GLIS2: variants seen among roughly 807,000 people sequenced by gnomAD.
The protein encoded by GLIS2 is zinc finger protein GLIS2.
In GLIS2, 14 loss-of-function variants were observed where a neutral mutation model predicts 35.6. That is an observed-to-expected ratio of 0.39 (90% CI 0.26 to 0.61). The LOEUF (loss-of-function observed/expected upper bound fraction) is 0.61. Among genes scored for constraint, GLIS2 ranks in the 20% least tolerant of loss-of-function variants. GLIS2 has a pLI of 0.48. For missense variants in GLIS2, 675 were observed against 713.4 expected (o/e 0.95, Z 0.61); for synonymous variants, 368 against 325.1 (o/e 1.13, Z -1.42).
At chr16:4,333,174 T>C (rs1170618560) in intron 2 of GLIS2, among the ~76,000 whole-genome samples, 173 bp from the exon 3 acceptor site, 3 of 151,906 alleles carry the variant, frequency 2.0e-5, no homozygotes, top group Non-Finnish European at 4.4e-5. Flanking sequence ...AGCTCAGAGG[T>C]GGTGGGTGGT....
At position 4,337,989 on chromosome 16, in the gene GLIS2, A is replaced by T. The variant is rs1032562118; in HGVS notation, c.*465A>T. 7.8e-6 allele frequency: 2 copies of T among 256,700 alleles called. No individual in the cohort carries two copies. The highest frequency in any genetic ancestry group is 1.5e-5 in the Non-Finnish European group (2 of 130,508). 15.9% of individuals were successfully genotyped at this position (256,700 alleles called of 1,614,324 possible). On this transcript the variant is annotated 3_prime_UTR_variant, in exon 7 of 7. Coordinates refer to ENST00000433375, the MANE Select transcript of GLIS2 (RefSeq NM_032575.3). The stretch of plus-strand genomic sequence containing the variant: ...GACCAGAGGCCTGCCCTTCCCTCCT[A>T]GGCTTACCCAGCCCCTGCCCTGGGG...
chr16:4,321,672 G>A (rs1038164474), intron 1 of GLIS2, among the ~76,000 whole-genome samples: 2 of 152,162 alleles, frequency 1.3e-5, no homozygotes, highest in African/African-American at 2.4e-5. Context: ...TCCGTGCCAG[G>A]GGCCGTGGGA....
intron 1 of GLIS2, among the ~76,000 whole-genome samples, chr16:4,322,927 C>T (rs545297173): frequency 1.3e-5 from 2 of 152,310 alleles, no homozygotes; most frequent in South Asian, 4.1e-4. Context: ...TTGGGAGGCG[C>T]GGTGTTTCCT....
Position 4,320,466 on chromosome 16 carries a change from C to T in GLIS2, c.-67+4212C>T, listed in dbSNP as rs943581318. 2.6e-5 allele frequency among the ~76,000 whole-genome samples: 4 copies of T among 152,184 alleles called. No homozygotes were observed. Among genetic ancestry groups the T allele is most frequent in the African/African-American group, 9.7e-5 (4 of 41,444 alleles). On this transcript the variant is annotated intron_variant, in intron 1 of 6. Coordinates refer to ENST00000433375, the MANE Select transcript of GLIS2 (RefSeq NM_032575.3). The surrounding 1 kb of genome is among the most constrained non-coding windows in gnomAD (Gnocchi z 5.6). ...CATTTGAGGGTTTGGCCCGAGGTCA[C>T]TCCCAATCGGGGAAGAACAGAGGGG...
In GLIS2 at chr16:4,332,408, T is replaced by C. The variant is rs201613088; in HGVS notation, c.128T>C (p.Val43Ala). The change falls in exon 2 of 7, where the codon GTG becomes GCG. Residue 43 changes from valine (V) to alanine (A), a missense_variant. Val to Ala is a moderately conservative substitution (Grantham distance 64). Around this residue, in one of 3 missense-constraint regions of GLIS2, gnomAD observed 225 missense variants for 238.7 expected, o/e 0.94. Transcript: ENST00000433375. The surrounding 1 kb of genome is among the most constrained non-coding windows in gnomAD (Gnocchi z 5.4). ...PRALHRELGL[V>A]DDSPTPGSPG... Reference sequence around the variant, plus strand: ...GCTCTGCACAGGGAGCTGGGCCTGGTGGATGACAGCCCCACACCTGGCTCT... The same window carrying C: ...GCTCTGCACAGGGAGCTGGGCCTGGCGGATGACAGCCCCACACCTGGCTCT... The C allele has an allele frequency of 6.2e-7, 1 of 1,612,782 alleles. No homozygotes were observed. Among genetic ancestry groups the C allele is most frequent in the African/African-American group, 1.3e-5 (1 of 75,038 alleles).
chr16:4,324,038 T>A (rs117360184), intron 1 of GLIS2, among the ~76,000 whole-genome samples: 3,853 of 152,246 alleles, frequency 0.025, 85 homozygotes, highest in Non-Finnish European at 0.037. Flanking sequence ...CCCTGGCACA[T>A]CCCATCTTCA....
At chr16:4,330,106 G>A (rs1488521568) in intron 1 of GLIS2, among the ~76,000 whole-genome samples, 1 of 152,104 alleles carries the variant, frequency 6.6e-6, no homozygotes, top group African/African-American at 2.4e-5. Context: ...GTGAAACGCT[G>A]TCGCTACTAA....
intron 3 of GLIS2, 142 bp downstream of exon 3, chr16:4,333,661 T>A: frequency 1.0e-6 from 1 of 990,752 alleles, no homozygotes; most frequent in Non-Finnish European, 1.4e-6. Context: ...CCTGGAAGGC[T>A]CTAGGGGAGA....
chr16:4,327,227 C>T (rs1033880024), intron 1 of GLIS2, among the ~76,000 whole-genome samples: 3 of 152,224 alleles, frequency 2.0e-5, no homozygotes, highest in African/African-American at 7.2e-5. Flanking sequence ...GGACTCCAAC[C>T]AGCTCCCTAT....
At position 4,338,517 on chromosome 16, in the gene GLIS2, C is replaced by T. The variant is rs2053585880; in HGVS notation, c.*993C>T. 1 of 152,730 alleles carries T rather than the reference C, an allele frequency of 6.5e-6. No homozygotes were observed. Among genetic ancestry groups the T allele is most frequent in the Non-Finnish European group, 1.5e-5 (1 of 68,454 alleles). The allele number at this position is 152,730 out of a possible 1,614,324, so 9.5% of individuals were successfully genotyped here. A position where few individuals can be genotyped will look rare whatever the true frequency, so the allele number is the denominator to read the frequency against. On this transcript the variant is annotated 3_prime_UTR_variant, in exon 7 of 7. Transcript: ENST00000433375. ...CCGACCACAGGCTGGGACACAGCTC[C>T]TGGTCTGGGGGCTCCAAGTGACAGC... is the stretch of plus-strand genomic sequence containing the variant.
upstream of GLIS2, chr16:4,315,185 T>A (rs1431343423): frequency 1.3e-5 from 2 of 152,206 alleles, no homozygotes; most frequent in African/African-American, 4.8e-5. Flanking sequence ...AAGCTCGGAT[T>A]GCTCGGCATC....
chr16:4,329,341 G>T (rs561008687), intron 1 of GLIS2, among the ~76,000 whole-genome samples: 1 of 152,308 alleles, frequency 6.6e-6, no homozygotes, highest in Non-Finnish European at 1.5e-5. Flanking sequence ...ATCTCTGGGA[G>T]CCCCTGGCCC....
intron 1 of GLIS2, among the ~76,000 whole-genome samples, chr16:4,318,916 T>C (rs2053345228): frequency 6.6e-6 from 1 of 152,166 alleles, no homozygotes; most frequent in South Asian, 2.1e-4. Flanking sequence ...TTTGGGGCAA[T>C]CTCTGGATGA....
intron 1 of GLIS2, among the ~76,000 whole-genome samples, chr16:4,319,520 C>G (rs1347911862): frequency 6.6e-6 from 1 of 152,156 alleles, no homozygotes; most frequent in Non-Finnish European, 1.5e-5. Context: ...GCGCCCTGCC[C>G]CAGCCTGCTG....
intron 1 of GLIS2, chr16:4,331,829 G>A: frequency 4.0e-6 from 1 of 248,772 alleles, no homozygotes; most frequent in East Asian, 9.8e-5. Flanking sequence ...CCTGCCTGTA[G>A]TCCCAGCTAC....
At chr16:4,315,848 C>T (rs2053303890), upstream of GLIS2, among the ~76,000 whole-genome samples, 2 of 149,948 alleles carry the variant, frequency 1.3e-5, no homozygotes, top group Non-Finnish European at 3.0e-5. Flanking sequence ...CCCCGCCTGG[C>T]AGCTGGCGCC....
chr16:4,337,890 A>C lies in GLIS2; in HGVS notation c.*366A>C. 1 of 409,916 alleles carries C rather than the reference A, an allele frequency of 2.4e-6. No individual in the cohort carries two copies. The highest frequency in any genetic ancestry group is 4.6e-6 in the Non-Finnish European group (1 of 218,768). 25.4% of individuals were successfully genotyped at this position (409,916 alleles called of 1,614,324 possible). On this transcript the variant is annotated 3_prime_UTR_variant, in exon 7 of 7. Coordinates refer to ENST00000433375, the MANE Select transcript of GLIS2 (RefSeq NM_032575.3). ...CCATGGCAAGTTGCCCTCTCCCAGC[A>C]GAGGGGGTGGGTGGGGTGGCATCTG...
chr16:4,337,603 A>G lies in GLIS2; in HGVS notation c.*79A>G. 6.6e-7 allele frequency: 1 copy of G among 1,525,258 alleles called. No homozygotes were observed. Among genetic ancestry groups the G allele is most frequent in the Admixed American group, 2.0e-5 (1 of 50,984 alleles). 94.5% of individuals were successfully genotyped at this position (1,525,258 alleles called of 1,614,324 possible). ...CGACGAACGGAAACTCTTCTGTGAA[A>G]TAGCAATAATGTCCTACTGCCCGGG... On this transcript the variant is annotated 3_prime_UTR_variant, in exon 7 of 7. Coordinates refer to ENST00000433375, the MANE Select transcript of GLIS2 (RefSeq NM_032575.3).
chr16:4,328,259 C>G (rs2053459510), intron 1 of GLIS2: 1 of 152,516 alleles, frequency 6.6e-6, no homozygotes, highest in East Asian at 1.9e-4. Flanking sequence ...TGGGCACTCA[C>G]TCAGGGTTCC....
Sources: allele counts gnomAD v4.1 joint callset (sites outside exome capture counted in the v4.1 genomes callset), GRCh38; gene constraint gnomAD v4.1.1; regional missense constraint gnomAD v4.1.1; non-coding constraint Gnocchi (gnomAD v3.1); transcripts MANE v1.5; gene names NCBI Gene and HGNC (gene_info 2026-07-23, HGNC 2026-07-21).